Variants in RYR2 observed in about 807,000 individuals in gnomAD.
RYR2 encodes ryanodine receptor 2.
RYR2 carries 227 observed loss-of-function variants against 601.1 expected under a neutral mutation model. The observed-to-expected ratio is 0.38, with a 90% CI of 0.34 to 0.42. RYR2 has a LOEUF of 0.42. Ranked by LOEUF, RYR2 falls within the 10% of genes least tolerant of loss-of-function variation. RYR2 has a pLI of 1.00. For missense variants in RYR2, 4,646 were observed against 6,156.5 expected, an observed-to-expected ratio of 0.75 and a Z score of 8.21; for synonymous variants, 2,223 against 2,175.1, an observed-to-expected ratio of 1.02 and a Z score of -0.61.
chr1:237,657,831 A>T (rs1290308194), intron 53 of RYR2, 113 bp from the exon 54 acceptor site: 1 of 569,550 alleles, frequency 1.8e-6, no homozygotes, highest in South Asian at 2.4e-5. Flanking sequence ...AGTCGTGTTT[A>T]ACAGTTAAAA....
intron 11 of RYR2, among the ~76,000 whole-genome samples, chr1:237,422,007 G>A (rs111251225): frequency 1.1e-3 from 164 of 151,878 alleles, no homozygotes; most frequent in African/African-American, 3.6e-3. Flanking sequence ...GTTTTCTTGC[G>A]TGCTTTGATC....
Position 237,700,330 on chromosome 1 carries a change from A to T in RYR2, c.9230A>T (p.Gln3077Leu). The stretch of plus-strand genomic sequence containing the variant: ...GAGAAGACCATGGAAAACCTCAAGC[A>T]GGGCCAGTTCACTCACACCCGAAAC... ...DLEKTMENLKQGQFTHTRNQP... is the reference protein window; with the variant it reads ...DLEKTMENLKLGQFTHTRNQP... The change falls in exon 65 of 105, where the codon CAG (glutamine) becomes CTG (leucine). Residue 3077 changes from glutamine to leucine, a missense_variant. By Grantham distance (113) the Gln-to-Leu change is moderately radical. Transcript: ENST00000366574. 1 of 1,599,038 alleles carries T rather than the reference A, an allele frequency of 6.3e-7. No homozygotes were observed. Among genetic ancestry groups the T allele is most frequent in the African/African-American group, 1.3e-5 (1 of 74,804 alleles).
chr1:237,595,832 C>T (rs1164946309), intron 34 of RYR2, among the ~76,000 whole-genome samples, 175 bp downstream of exon 34: 4 of 152,162 alleles, frequency 2.6e-5, no homozygotes, highest in African/African-American at 9.7e-5. Context: ...GCTGTCCCAG[C>T]CACTGCACTC....
rs139381833 is a variant in RYR2 at position 237,803,222 on chromosome 1, C to T, written c.14151+1306C>T. On this transcript the variant is annotated intron_variant, in intron 98 of 104. Transcript: ENST00000366574. The stretch of plus-strand genomic sequence containing the variant: ...CTGTGCAGCAAGCACATGTGTAGAC[C>T]ACACATGCACCTTTGGCCCAGCTTG... Among the ~76,000 whole-genome samples the T allele has an allele frequency of 6.2e-3, 948 of 152,266 alleles. 4 individuals are homozygous for T. Among genetic ancestry groups the T allele is most frequent in the Non-Finnish European group, 8.3e-3 (563 of 68,014 alleles).
chr1:237,119,166 A>G (rs770970838), intron 1 of RYR2, among the ~76,000 whole-genome samples: 1 of 152,200 alleles, frequency 6.6e-6, no homozygotes, highest in Non-Finnish European at 1.5e-5. Flanking sequence ...TGGTGTCCTT[A>G]GAAGATGAGG....
At chr1:237,564,496 C>T (rs1389229671) in intron 27 of RYR2, among the ~76,000 whole-genome samples, 2 of 152,036 alleles carry the variant, frequency 1.3e-5, no homozygotes, top group Non-Finnish European at 2.9e-5. Flanking sequence ...TCTCGAATTC[C>T]TGACCTCAAG....
At chr1:237,772,189 TAG>T (rs1413559772) in intron 86 of RYR2, 89 bp downstream of exon 86, 67 of 685,798 alleles carry the variant, frequency 9.8e-5, no homozygotes, top group Non-Finnish European at 1.5e-4. Flanking sequence ...GGTTTATAAC[TAG>T]AAAGGAGTTT....
At position 237,614,886 on chromosome 1, in the gene RYR2, G is replaced by A. The variant is rs533400468; in HGVS notation, c.5715+43G>A. ...CTTGAGTGAATTTCAGAATTGCTAA[G>A]CATTAAGGTATTAGAACATGCCTTT... On this transcript the variant is annotated intron_variant, in intron 37 of 104. Coordinates refer to ENST00000366574, the MANE Select transcript of RYR2 (RefSeq NM_001035.3). This position sits in a 1 kb window ranked among gnomAD's most constrained non-coding sequence, Gnocchi z 4.3. 4 of 1,515,918 alleles carry A rather than the reference G, an allele frequency of 2.6e-6. No homozygotes were observed. The highest frequency in any genetic ancestry group is 2.2e-5 in the Admixed American group (1 of 45,106). The allele number at this position is 1,515,918 out of a possible 1,614,324, so 93.9% of individuals were successfully genotyped here.
intron 71 of RYR2, among the ~76,000 whole-genome samples, chr1:237,715,079 A>G (rs1208245240): frequency 1.3e-5 from 2 of 151,378 alleles, no homozygotes; most frequent in Non-Finnish European, 3.0e-5. Context: ...CCCTTCTTAA[A>G]TATGCCCACA....
chr1:237,667,896 T>G lies in RYR2; in HGVS notation c.8528T>G (p.Met2843Arg), dbSNP rs1259507136. ...TGTTCATTTAAGGCTATGGCAGAAA[T>G]GATGGCTGAAAACTACCATAATATA... ...LSRDLHAMAE[M>R]MAENYHNIWA... Residue 2843 changes from methionine (M) to arginine (R), a missense_variant, in exon 58 of 105, where the codon ATG becomes AGG. By Grantham distance (91) the Met-to-Arg change is moderately conservative. Coordinates refer to ENST00000366574, the MANE Select transcript of RYR2 (RefSeq NM_001035.3). 1 of 1,583,362 alleles carries G rather than the reference T, an allele frequency of 6.3e-7. No individual in the cohort carries two copies. The highest frequency in any genetic ancestry group is 8.6e-7 in the Non-Finnish European group (1 of 1,164,108).
At chr1:237,601,997 A>T in intron 34 of RYR2, 28 bp from the exon 35 acceptor site, 1 of 1,584,256 alleles carries the variant, frequency 6.3e-7, no homozygotes, top group Non-Finnish European at 8.6e-7. Context: ...CATTACTAAC[A>T]TTATTAAATT....
chr1:237,747,108 T>G (rs1045516867), intron 80 of RYR2, among the ~76,000 whole-genome samples: 3 of 152,242 alleles, frequency 2.0e-5, no homozygotes, highest in African/African-American at 7.2e-5. Context: ...GGTACTGTAG[T>G]ATAGATTTGT....
At chr1:237,490,024 T>C (rs1663149357) in intron 17 of RYR2, among the ~76,000 whole-genome samples, 1 of 152,194 alleles carries the variant, frequency 6.6e-6, no homozygotes, top group South Asian at 2.1e-4. Context: ...CATCATGTCC[T>C]TTACAGCAAC....
intron 25 of RYR2, among the ~76,000 whole-genome samples, chr1:237,546,711 G>A (rs1669846472): frequency 6.6e-6 from 1 of 151,952 alleles, no homozygotes; most frequent in Non-Finnish European, 1.5e-5. Context: ...TATATGGGAT[G>A]TATTATAGTA....
intron 3 of RYR2, among the ~76,000 whole-genome samples, chr1:237,336,856 CTAAA>C (rs1245941358): frequency 4.6e-5 from 7 of 151,392 alleles, no homozygotes; most frequent in African/African-American, 7.3e-5. Context: ...GACTCCATCT[CTAAA>C]TAAATAAATA....
intron 84 of RYR2, among the ~76,000 whole-genome samples, chr1:237,765,758 G>A (rs376175935): frequency 6.0e-4 from 91 of 152,218 alleles, no homozygotes; most frequent in Middle Eastern, 3.4e-3. Context: ...ATGTTGGTTC[G>A]TGGCACCAAA....
At chr1:237,187,434 C>A (rs974035341) in intron 1 of RYR2, among the ~76,000 whole-genome samples, 2 of 119,744 alleles carry the variant, frequency 1.7e-5, no homozygotes, top group African/African-American at 6.2e-5. Flanking sequence ...AGCCAACACG[C>A]CCGGCCGACT....
chr1:237,667,640 T>C (rs987294862), intron 57 of RYR2, among the ~76,000 whole-genome samples: 23 of 152,238 alleles, frequency 1.5e-4, no homozygotes, highest in African/African-American at 5.5e-4. Flanking sequence ...ATTGAATTAA[T>C]GTCTTCAAAC....
intron 103 of RYR2, among the ~76,000 whole-genome samples, chr1:237,831,205 G>A (rs746698969): frequency 3.3e-5 from 5 of 152,116 alleles, no homozygotes; most frequent in Non-Finnish European, 5.9e-5. Context: ...ATACTCAGTG[G>A]AACTTGATCA....
Sources: allele counts gnomAD v4.1 joint callset (sites outside exome capture counted in the v4.1 genomes callset), GRCh38; gene constraint gnomAD v4.1.1; non-coding constraint Gnocchi (gnomAD v3.1); transcripts MANE v1.5; gene names NCBI Gene and HGNC (gene_info 2026-07-23, HGNC 2026-07-21).